The following CNTNAP2 variants were observed in gnomAD, a reference collection of about 807,000 sequenced individuals.
The protein encoded by CNTNAP2 is contactin associated protein 2.
Under a neutral mutation model 155.2 loss-of-function variants are expected in CNTNAP2, and 98 were observed. The observed-to-expected ratio is 0.63, with a 90% CI of 0.54 to 0.75. The LOEUF is 0.75. CNTNAP2 is among the 30% of genes least tolerant of loss of function. CNTNAP2 has a pLI of 0.00. For synonymous variants in CNTNAP2, 651 were observed against 631.2 expected (o/e 1.03, Z -0.47); for missense variants, 1,727 against 1,688.1 (o/e 1.02, Z -0.40).
At chr7:146,800,022 G>T (rs930516852) in intron 2 of CNTNAP2, among the ~76,000 whole-genome samples, 5 of 152,028 alleles carry the variant, frequency 3.3e-5, no homozygotes, top group Non-Finnish European at 4.4e-5. Flanking sequence ...CTACAATTAT[G>T]AATATGGACT....
intron 15 of CNTNAP2, among the ~76,000 whole-genome samples, chr7:148,012,936 T>C (rs182589432): frequency 6.4e-4 from 98 of 152,308 alleles, no homozygotes; most frequent in African/African-American, 2.2e-3. Flanking sequence ...GAAATTTTAA[T>C]TTTCTAGCTT....
chr7:146,935,283 C>G (rs898217653), intron 3 of CNTNAP2, among the ~76,000 whole-genome samples: 2 of 152,180 alleles, frequency 1.3e-5, no homozygotes, highest in Non-Finnish European at 2.9e-5. Flanking sequence ...GAAAAGAGGT[C>G]TTCTGTGTGC....
At chr7:147,504,334 AG>A (rs1425148524) in intron 11 of CNTNAP2, among the ~76,000 whole-genome samples, 1 of 152,112 alleles carries the variant, frequency 6.6e-6, no homozygotes, top group Non-Finnish European at 1.5e-5. Flanking sequence ...AGGGCTCCCA[AG>A]GGGTCTTGGC....
rs1419334665 is a variant in CNTNAP2 at position 146,910,854 on chromosome 7, C to G, written c.402+70950C>G. ...TCTGCACAGCAAAAGAAACTACCAT[C>G]AGAGTGAACAGGCAACCTACAAAAT... On this transcript the variant is annotated intron_variant, in intron 3 of 23. Coordinates refer to ENST00000361727, the MANE Select transcript of CNTNAP2 (RefSeq NM_014141.6). Among the ~76,000 whole-genome samples the G allele has an allele frequency of 7.3e-5, 11 of 150,356 alleles. No individual in the cohort carries two copies. In the East Asian group the frequency reaches 2.1e-3, roughly 29 times the overall value.
At chr7:147,803,458 T>G (rs1347389385) in intron 13 of CNTNAP2, among the ~76,000 whole-genome samples, 2 of 152,238 alleles carry the variant, frequency 1.3e-5, no homozygotes, top group Non-Finnish European at 2.9e-5. Context: ...AAACTGCATG[T>G]TCTCTGCCAG....
In CNTNAP2 at chr7:146,248,986, A is replaced by G. The variant is rs13238536; in HGVS notation, c.97+132013A>G. ...GTAAAGGAAAATTACAGTCAAAGGGAGGGTTGTTCCCTGGCGGTCAGAGTG... is the reference window on the plus strand; with the variant it reads ...GTAAAGGAAAATTACAGTCAAAGGGGGGGTTGTTCCCTGGCGGTCAGAGTG... On this transcript the variant is annotated intron_variant, in intron 1 of 23. Coordinates refer to ENST00000361727, the MANE Select transcript of CNTNAP2 (RefSeq NM_014141.6). Among the ~76,000 whole-genome samples, 1,158 of 152,058 alleles carry G rather than the reference A, an allele frequency of 7.6e-3. 17 individuals are homozygous for G. Among genetic ancestry groups the G allele is most frequent in the African/African-American group, 0.026 (1,064 of 41,460 alleles).
chr7:147,761,847 G>A (rs1318274325), intron 13 of CNTNAP2, among the ~76,000 whole-genome samples: 1 of 152,028 alleles, frequency 6.6e-6, no homozygotes, highest in Non-Finnish European at 1.5e-5. Context: ...ATTTTCCTCT[G>A]TCGCTGGAAC....
chr7:146,282,257 C>T (rs1360725980), intron 1 of CNTNAP2, among the ~76,000 whole-genome samples: 1 of 152,126 alleles, frequency 6.6e-6, no homozygotes, highest in Non-Finnish European at 1.5e-5. Context: ...TATCTTTTGC[C>T]CCCAACGTGG....
At chr7:148,201,648 C>A (rs757248087) in intron 18 of CNTNAP2, among the ~76,000 whole-genome samples, 14 of 152,058 alleles carry the variant, frequency 9.2e-5, no homozygotes, top group Non-Finnish European at 1.9e-4. Context: ...GTTTTGTATG[C>A]AACTAAACTT....
intron 2 of CNTNAP2, among the ~76,000 whole-genome samples, chr7:146,834,496 A>G (rs1052461324): frequency 9.2e-5 from 14 of 152,042 alleles, no homozygotes. Flanking sequence ...GAGGAAGGAA[A>G]GACAGATGGA....
chr7:147,373,755 A>G (rs924260486), intron 9 of CNTNAP2, among the ~76,000 whole-genome samples: 2 of 151,934 alleles, frequency 1.3e-5, no homozygotes, highest in Admixed American at 6.6e-5. Context: ...ACTTTAGTTT[A>G]TTATACTTGA....
chr7:146,966,113 C>T (rs748132793), intron 3 of CNTNAP2, among the ~76,000 whole-genome samples: 9 of 152,120 alleles, frequency 5.9e-5, no homozygotes, highest in Admixed American at 1.3e-4. Context: ...ATAATGGAAA[C>T]GTAAATTATT....
intron 21 of CNTNAP2, among the ~76,000 whole-genome samples, chr7:148,355,417 G>GT (rs1798497220): frequency 6.6e-6 from 1 of 151,784 alleles, no homozygotes; most frequent in Admixed American, 6.6e-5. Context: ...TCAACTGCCT[G>GT]TTTTTTTCTG....
At chr7:146,506,558 T>C (rs898512177) in intron 1 of CNTNAP2, among the ~76,000 whole-genome samples, 1 of 152,200 alleles carries the variant, frequency 6.6e-6, no homozygotes, top group African/African-American at 2.4e-5. Context: ...AAGGCACATG[T>C]CCTGACACAT....
intron 1 of CNTNAP2, among the ~76,000 whole-genome samples, chr7:146,428,041 C>T (rs1321842202): frequency 6.6e-6 from 1 of 152,170 alleles, no homozygotes; most frequent in Non-Finnish European, 1.5e-5. Context: ...TGGCCCCCAG[C>T]TCCATCCGTG....
chr7:147,029,149 G>C (rs143504200), intron 3 of CNTNAP2, among the ~76,000 whole-genome samples: 8,650 of 151,692 alleles, frequency 0.057, 332 homozygotes, highest in Middle Eastern at 0.13. Context: ...ATTTTTAGTA[G>C]AGACGGGATT....
At chr7:148,043,652 T>C (rs1186997131) in intron 15 of CNTNAP2, among the ~76,000 whole-genome samples, 1 of 152,254 alleles carries the variant, frequency 6.6e-6, no homozygotes, top group Non-Finnish European at 1.5e-5. Flanking sequence ...CCTATTTTAA[T>C]TGCTGGTTAG....
At chr7:147,106,031 T>C (rs1584846787) in intron 4 of CNTNAP2, among the ~76,000 whole-genome samples, 1 of 152,222 alleles carries the variant, frequency 6.6e-6, no homozygotes, top group East Asian at 1.9e-4. Flanking sequence ...CATTACTCTG[T>C]ACCTAGAACT....
Position 146,558,599 on chromosome 7 carries a change from T to G in CNTNAP2, c.98-215672T>G, listed in dbSNP as rs559890374. Among the ~76,000 whole-genome samples the G allele has an allele frequency of 1.1e-3, 171 of 152,148 alleles. 1 individual carries two copies. Among genetic ancestry groups the G allele is most frequent in the African/African-American group, 3.1e-3 (130 of 41,508 alleles). On this transcript the variant is annotated intron_variant, in intron 1 of 23. Transcript: ENST00000361727. Reference sequence around the variant, plus strand: ...TTATTTATTATTATTATGATTTTTTTGGGGGGGAAATAAGAACATTTAATA... The same window carrying G: ...TTATTTATTATTATTATGATTTTTTGGGGGGGGAAATAAGAACATTTAATA...
Sources: allele counts gnomAD v4.1 joint callset (sites outside exome capture counted in the v4.1 genomes callset), GRCh38; gene constraint gnomAD v4.1.1; transcripts MANE v1.5; gene names NCBI Gene and HGNC (gene_info 2026-07-23, HGNC 2026-07-21).